SMG6: variants seen among roughly 807,000 people sequenced by gnomAD.
SMG6 encodes the protein SMG6 nonsense mediated mRNA decay factor, also known as telomerase-binding protein EST1A.
A neutral mutation model predicts 142.2 loss-of-function variants in SMG6; 66 were observed. That is an observed-to-expected ratio of 0.46 (90% CI 0.38 to 0.57). SMG6 has a LOEUF of 0.57. Among genes scored for constraint, SMG6 ranks in the 20% least tolerant of loss-of-function variants. SMG6 has a pLI of 0.00. For synonymous variants in SMG6, 779 were observed against 702.4 expected (o/e 1.11, Z -1.72); for missense variants, 1,793 against 1,832.0 (o/e 0.98, Z 0.39).
chr17:2,243,109 C>G (rs1475501545), intron 9 of SMG6, among the ~76,000 whole-genome samples: 1 of 152,064 alleles, frequency 6.6e-6, no homozygotes, highest in African/African-American at 2.4e-5. Flanking sequence ...TTTACTTTGC[C>G]TAAGTGAATG....
chr17:2,272,717 T>C (rs187185718), intron 8 of SMG6, among the ~76,000 whole-genome samples: 2 of 152,170 alleles, frequency 1.3e-5, no homozygotes, highest in African/African-American at 4.8e-5. Context: ...GGCAGGCGGA[T>C]CATGAGGTCA....
intron 10 of SMG6, among the ~76,000 whole-genome samples, chr17:2,201,796 G>A (rs887476647): frequency 6.6e-6 from 1 of 150,934 alleles, no homozygotes; most frequent in African/African-American, 2.4e-5. Flanking sequence ...GGCCAAGGTG[G>A]GTGGATCACT....
chr17:2,109,969 A>T (rs901306126), intron 13 of SMG6, among the ~76,000 whole-genome samples: 3 of 151,552 alleles, frequency 2.0e-5, no homozygotes, highest in African/African-American at 7.3e-5. Flanking sequence ...TGCAGTCCCA[A>T]CTACTTGGGA....
At chr17:2,273,250 T>C (rs2074577365) in intron 8 of SMG6, among the ~76,000 whole-genome samples, 1 of 152,212 alleles carries the variant, frequency 6.6e-6, no homozygotes, top group African/African-American at 2.4e-5. Flanking sequence ...GTGTGGTGGC[T>C]CATGCCTGTA....
chr17:2,184,246 C>G (rs992937337), intron 12 of SMG6, among the ~76,000 whole-genome samples: 1 of 151,990 alleles, frequency 6.6e-6, no homozygotes, highest in African/African-American at 2.4e-5. Flanking sequence ...ACCTGTAATC[C>G]CAGCCACTTG....
intron 10 of SMG6, among the ~76,000 whole-genome samples, chr17:2,198,884 T>C (rs990094703): frequency 1.3e-5 from 2 of 148,566 alleles, no homozygotes; most frequent in African/African-American, 5.0e-5. Context: ...AGATGCCCAG[T>C]TGCGGCTCCT....
chr17:2,178,744 G>A (rs1452640999), intron 12 of SMG6, among the ~76,000 whole-genome samples: 4 of 152,138 alleles, frequency 2.6e-5, no homozygotes, highest in Non-Finnish European at 5.9e-5. Context: ...TCACTATGGT[G>A]TGCTAAACCC....
chr17:2,185,766 G>C (rs2071962173), intron 12 of SMG6, among the ~76,000 whole-genome samples: 1 of 151,590 alleles, frequency 6.6e-6, no homozygotes, highest in Non-Finnish European at 1.5e-5. Flanking sequence ...ACGGGGACGA[G>C]GGCAGGGACG....
Position 2,299,717 on chromosome 17 carries a change from A to G in SMG6, c.1036T>C (p.Tyr346His), listed in dbSNP as rs1406962532. The G allele has an allele frequency of 1.2e-6, 2 of 1,614,122 alleles. No homozygotes were observed. Reference protein sequence around the residue: ...EGEQKNSAKEYRGTLRVTFDA... With the variant: ...EGEQKNSAKEHRGTLRVTFDA... ...AAAGTGACACGAAGAGTGCCTCGAT[A>G]TTCTTTAGCACTGTTTTTCTGCTCA... Residue 346 changes from tyrosine (Y) to histidine (H), a missense_variant, in exon 2 of 19, where the codon TAT becomes CAT. Tyr to His is a moderately conservative substitution (Grantham distance 83). This residue lies in a region of SMG6 where 1,597 missense variants were observed against 1,584.6 expected (regional missense o/e 1.01). Coordinates refer to ENST00000263073, the MANE Select transcript of SMG6 (RefSeq NM_017575.5). The surrounding 1 kb of genome is among the most constrained non-coding windows in gnomAD (Gnocchi z 4.3).
intron 8 of SMG6, among the ~76,000 whole-genome samples, chr17:2,258,586 T>C (rs1007352116): frequency 2.0e-5 from 3 of 148,416 alleles, no homozygotes; most frequent in African/African-American, 7.6e-5. Context: ...CAACCTCATT[T>C]GAACCTAGGA....
At chr17:2,062,637 G>A (rs960066774) in intron 18 of SMG6, 2 of 152,194 alleles carry the variant, frequency 1.3e-5, no homozygotes, top group African/African-American at 2.4e-5. Flanking sequence ...GCCTGCTTGG[G>A]TGGCAGGTCT....
At chr17:2,227,859 T>C (rs1256711184) in intron 10 of SMG6, among the ~76,000 whole-genome samples, 1 of 152,036 alleles carries the variant, frequency 6.6e-6, no homozygotes, top group Non-Finnish European at 1.5e-5. Flanking sequence ...ACAACCGAAA[T>C]GCCCATCAAT....
In SMG6 at chr17:2,142,757, G is replaced by A. The variant is rs1436058169; in HGVS notation, c.3357+29901C>T. Among the ~76,000 whole-genome samples the A allele has an allele frequency of 2.6e-5, 4 of 151,604 alleles. No individual in the cohort carries two copies. In the South Asian group the frequency reaches 6.3e-4, roughly 24 times the overall value. On this transcript the variant is annotated intron_variant, in intron 13 of 18. Coordinates refer to ENST00000263073, the MANE Select transcript of SMG6 (RefSeq NM_017575.5). ...AAAAAAATTAGCCAGGCGTGGTGGC[G>A]CATGCCTGTAACCCCAGCTACTCGG... is the stretch of plus-strand genomic sequence containing the variant.
intron 7 of SMG6, 66 bp downstream of exon 7, chr17:2,283,559 G>C: frequency 7.8e-7 from 1 of 1,288,076 alleles, no homozygotes; most frequent in South Asian, 1.2e-5. Flanking sequence ...GCAGAGCTAG[G>C]GCACACCAAC....
intron 8 of SMG6, among the ~76,000 whole-genome samples, chr17:2,280,316 G>A (rs1315389707): frequency 2.0e-5 from 3 of 152,014 alleles, no homozygotes; most frequent in Non-Finnish European, 4.4e-5. Flanking sequence ...AGGCTGGAGT[G>A]CAGTGGCACG....
intron 8 of SMG6, among the ~76,000 whole-genome samples, chr17:2,281,147 TTGAC>T (rs754391595): frequency 1.3e-5 from 2 of 152,200 alleles, no homozygotes; most frequent in Non-Finnish European, 2.9e-5. Flanking sequence ...GGGCTCATTC[TTGAC>T]TTTTTTGAGA....
chr17:2,275,514 A>G (rs934492957), intron 8 of SMG6, among the ~76,000 whole-genome samples: 2 of 152,228 alleles, frequency 1.3e-5, no homozygotes, highest in African/African-American at 4.8e-5. Context: ...ACAGACATGT[A>G]TTACATTCTA....
intron 9 of SMG6, chr17:2,236,929 G>T: frequency 1.2e-6 from 1 of 805,148 alleles, no homozygotes; most frequent in Non-Finnish European, 1.6e-6. Flanking sequence ...CTCACCCCTG[G>T]CAATAACTGT....
chr17:2,186,793 C>T lies in SMG6; in HGVS notation c.3025G>A (p.Asp1009Asn), dbSNP rs2072001447. 3.7e-6 allele frequency: 6 copies of T among 1,614,176 alleles called. No individual in the cohort carries two copies. Among genetic ancestry groups the T allele is most frequent in the Middle Eastern group, 1.6e-4 (1 of 6,062 alleles). ...SSPEDQDDQD[D>N]IKVSSFVPDL... ...GGGACAAAGGAAGACACCTTGATGTCGTCTTGGTCATCCTGGTCCTCAGGA... is the reference window on the plus strand; with the variant it reads ...GGGACAAAGGAAGACACCTTGATGTTGTCTTGGTCATCCTGGTCCTCAGGA... The change falls in exon 12 of 19, where the codon GAC (aspartate) becomes AAC (asparagine). Residue 1009 changes from aspartate (D) to asparagine (N), a missense_variant. By Grantham distance (23) the Asp-to-Asn change is conservative. Around this residue, in one of 3 missense-constraint regions of SMG6, gnomAD observed 1,597 missense variants for 1,584.6 expected, o/e 1.01. Coordinates refer to ENST00000263073, the MANE Select transcript of SMG6 (RefSeq NM_017575.5).
Sources: gnomAD v4.1 joint callset for allele counts (sites outside exome capture counted in the v4.1 genomes callset) on GRCh38, gnomAD v4.1.1 for gene constraint, gnomAD v4.1.1 regional missense constraint, Gnocchi (gnomAD v3.1) non-coding constraint, MANE v1.5 for transcripts, NCBI Gene and HGNC (gene_info 2026-07-23, HGNC 2026-07-21) for gene names.